The following OLFML1 variants were observed in gnomAD, a reference collection of about 807,000 sequenced individuals.
OLFML1 encodes olfactomedin like 1, also known as olfactomedin-like protein 1.
A neutral mutation model predicts 37.3 loss-of-function variants in OLFML1; 33 were observed. That is an observed-to-expected ratio of 0.88 (90% CI 0.67 to 1.18). OLFML1 has a LOEUF of 1.18. Ranked by LOEUF, OLFML1 falls within the 50% of genes most tolerant of loss-of-function variation. The probability of loss-of-function intolerance (pLI) is 0.00; values close to 1 mark genes in which losing one functional copy is unlikely to be tolerated. For missense variants in OLFML1, 545 were observed against 483.7 expected (o/e 1.13, Z -1.19); for synonymous variants, 186 against 181.3 (o/e 1.03, Z -0.21).
intron 1 of OLFML1, among the ~76,000 whole-genome samples, chr11:7,487,202 C>T (rs556415572): frequency 6.6e-4 from 101 of 152,312 alleles, no homozygotes; most frequent in African/African-American, 2.4e-3. Flanking sequence ...TAGATCTTCC[C>T]ACCCCAGTCC....
At chr11:7,486,173 A>C (rs112715012) in intron 1 of OLFML1, among the ~76,000 whole-genome samples, 169 bp downstream of exon 1, 2,675 of 152,328 alleles carry the variant, frequency 0.018, 97 homozygotes, top group African/African-American at 0.061. Context: ...GCCGAACTCC[A>C]GAGTCCAGTG....
At chr11:7,495,791 G>T (rs993340516) in intron 2 of OLFML1, among the ~76,000 whole-genome samples, 2 of 152,112 alleles carry the variant, frequency 1.3e-5, no homozygotes, top group Admixed American at 1.3e-4. Context: ...AACAAGCTAG[G>T]TCGACACTAT....
intron 2 of OLFML1, among the ~76,000 whole-genome samples, chr11:7,489,409 G>A (rs545912888): frequency 5.9e-5 from 9 of 152,002 alleles, no homozygotes; most frequent in African/African-American, 9.7e-5. Context: ...ATGTAGACCC[G>A]CAAATATGGC....
chr11:7,490,148 G>GGGGGGGA (rs1848578122), intron 2 of OLFML1, among the ~76,000 whole-genome samples: 2 of 94,502 alleles, frequency 2.1e-5, no homozygotes, highest in Admixed American at 1.3e-4. Context: ...GGGGGGCGGG[G>GGGGGGGA]AACCAAAAAA....
intron 2 of OLFML1, among the ~76,000 whole-genome samples, chr11:7,489,346 T>C (rs975278867): frequency 6.6e-6 from 1 of 152,156 alleles, no homozygotes; most frequent in Non-Finnish European, 1.5e-5. Context: ...TAGAGGGTAC[T>C]TCAAGTCAGG....
chr11:7,507,705 C>T (rs1190184315), intron 2 of OLFML1, among the ~76,000 whole-genome samples: 1 of 152,112 alleles, frequency 6.6e-6, no homozygotes, highest in Non-Finnish European at 1.5e-5. Context: ...TGTGCTACCA[C>T]ACCCAGCTAA....
intron 2 of OLFML1, among the ~76,000 whole-genome samples, chr11:7,505,775 G>A (rs192036664): frequency 1.3e-5 from 2 of 152,244 alleles, no homozygotes; most frequent in East Asian, 3.9e-4. Flanking sequence ...AGGCTACAGT[G>A]AGCCACGATC....
chr11:7,494,470 T>A (rs1479046321), intron 2 of OLFML1, among the ~76,000 whole-genome samples: 1 of 152,212 alleles, frequency 6.6e-6, no homozygotes, highest in Non-Finnish European at 1.5e-5. Context: ...TATCTCCCGT[T>A]TTATAGATGA....
chr11:7,490,086 G>A (rs886469906), intron 2 of OLFML1, among the ~76,000 whole-genome samples: 8 of 141,228 alleles, frequency 5.7e-5, no homozygotes, highest in African/African-American at 1.6e-4. Context: ...TAAATGAGTA[G>A]ATGTAGGGAT....
chr11:7,487,953 A>G (rs547693132), intron 1 of OLFML1, among the ~76,000 whole-genome samples, 174 bp from the exon 2 acceptor site: 5 of 151,910 alleles, frequency 3.3e-5, no homozygotes, highest in African/African-American at 9.7e-5. Flanking sequence ...TTAAAAACTG[A>G]TATACTCAAG....
At chr11:7,492,584 T>A (rs1483277459) in intron 2 of OLFML1, among the ~76,000 whole-genome samples, 1 of 152,240 alleles carries the variant, frequency 6.6e-6, no homozygotes, top group Non-Finnish European at 1.5e-5. Context: ...AAAATTGTTC[T>A]ATAACTAAGC....
chr11:7,509,992 C>A lies in OLFML1; in HGVS notation c.1013C>A (p.Pro338His), dbSNP rs944310585. 1.9e-6 allele frequency: 3 copies of A among 1,614,124 alleles called. No homozygotes were observed. Among genetic ancestry groups the A allele is most frequent in the Non-Finnish European group, 2.5e-6 (3 of 1,180,056 alleles). ...YVVYSTGGQG[P>H]HRITCIYDPL... is the part of the protein sequence containing the mutation. ...GTCTACAGTACTGGGGGCCAGGGCC[C>A]TCATCGCATCACCTGCATCTATGAT... The change falls in exon 3 of 3, where the codon CCT becomes CAT. Residue 338 changes from proline (P) to histidine (H), a missense_variant. Pro to His is a moderately conservative substitution (Grantham distance 77). Coordinates refer to ENST00000329293, the MANE Select transcript of OLFML1 (RefSeq NM_198474.4).
rs150486318 is a variant in OLFML1 at position 7,509,757 on chromosome 11, T to C, written c.778T>C (p.Leu260=). 237 of 1,614,204 alleles carry C rather than the reference T, an allele frequency of 1.5e-4. 1 individual carries two copies. The African/African-American group carries it at 2.4e-3, about 17-fold the overall frequency. The change falls in exon 3 of 3, where the codon TTG becomes CTG. Residue 260 remains leucine, a synonymous_variant. Coordinates refer to ENST00000329293, the MANE Select transcript of OLFML1 (RefSeq NM_198474.4). ...MLLPGGVGRA[L]VYQHSPSTYI... is the part of the protein sequence containing the mutation. The stretch of plus-strand genomic sequence containing the variant: ...GCTCCCAGGAGGGGTAGGCCGAGCA[T>C]TGGTTTACCAGCACTCCCCCTCAAC...
chr11:7,507,247 T>C (rs373139578), intron 2 of OLFML1, among the ~76,000 whole-genome samples: 1 of 152,236 alleles, frequency 6.6e-6, no homozygotes, highest in South Asian at 2.1e-4. Context: ...TCTTCCAGTT[T>C]AGATCCTTTA....
rs139711894 is a variant in OLFML1 at position 7,495,648 on chromosome 11, G to A, written c.418+7233G>A. Among the ~76,000 whole-genome samples the A allele has an allele frequency of 3.6e-3, 551 of 152,204 alleles. 6 individuals are homozygous for A. The highest frequency in any genetic ancestry group is 0.013 in the African/African-American group (535 of 41,520). ...CATGCATGCCTGAGTCATTTATGCT[G>A]TGCCTGGAACAGAGTAGAGAATCAA... On this transcript the variant is annotated intron_variant, in intron 2 of 2. Transcript: ENST00000329293.
rs1848845946 is a variant in OLFML1 at position 7,510,335 on chromosome 11, A to G, written c.*147A>G. ...GGAAATACGTATGCCTCCTTTCCCA[A>G]ATGTCACTGCCTTAGGTATCTTCCA... On this transcript the variant is annotated 3_prime_UTR_variant, in exon 3 of 3. Coordinates refer to ENST00000329293, the MANE Select transcript of OLFML1 (RefSeq NM_198474.4). 2 of 654,752 alleles carry G rather than the reference A, an allele frequency of 3.1e-6. No individual in the cohort carries two copies. Among genetic ancestry groups the G allele is most frequent in the Middle Eastern group, 4.2e-4 (1 of 2,380 alleles). The allele number at this position is 654,752 out of a possible 1,614,324, so 40.6% of individuals were successfully genotyped here.
intron 2 of OLFML1, among the ~76,000 whole-genome samples, chr11:7,499,171 G>A (rs910105906): frequency 2.0e-5 from 3 of 152,242 alleles, no homozygotes; most frequent in Non-Finnish European, 4.4e-5. Context: ...TCAAATAAGT[G>A]ATACTTGTGT....
chr11:7,486,031 A>C (rs771451303), intron 1 of OLFML1, 27 bp downstream of exon 1: 1 of 1,607,290 alleles, frequency 6.2e-7, no homozygotes, highest in Non-Finnish European at 8.5e-7. Context: ...CACCTTGGAT[A>C]AGTAACAGGC....
chr11:7,509,422 TAA>T lies in OLFML1; in HGVS notation c.445_446del (p.Lys149ValfsTer22). 1 of 1,612,672 alleles carries T rather than the reference TAA, an allele frequency of 6.2e-7. No homozygotes were observed. Among genetic ancestry groups the T allele is most frequent in the Non-Finnish European group, 8.5e-7 (1 of 1,179,062 alleles). On this transcript the variant is annotated frameshift_variant, in exon 3 of 3. Coordinates refer to ENST00000329293, the MANE Select transcript of OLFML1 (RefSeq NM_198474.4). LOFTEE classifies it high-confidence loss of function. ...GGCTGTGACAACATGCTGATGGGCA[TAA>T]AGTCTTTGAAAATAGTGAAGAAGAT... is the stretch of plus-strand genomic sequence containing the variant.
Sources: gnomAD v4.1 joint callset for allele counts (sites outside exome capture counted in the v4.1 genomes callset) on GRCh38, gnomAD v4.1.1 for gene constraint, MANE v1.5 for transcripts, NCBI Gene and HGNC (gene_info 2026-07-23, HGNC 2026-07-21) for gene names.